RFX2: variants seen among roughly 807,000 people sequenced by gnomAD.
The protein encoded by RFX2 is DNA-binding protein RFX2.
RFX2 carries 20 observed loss-of-function variants against 87.8 expected under a neutral mutation model. The observed-to-expected ratio is 0.23, with a 90% CI of 0.16 to 0.33. The LOEUF is 0.33. RFX2 is among the 10% of genes least tolerant of loss of function. The pLI, the probability that RFX2 is intolerant of heterozygous loss-of-function variation, is 1.00. For synonymous variants in RFX2, 397 were observed against 431.3 expected (o/e 0.92, Z 0.98); for missense variants, 767 against 1,012.3 (o/e 0.76, Z 3.29).
In RFX2 at chr19:6,017,745, G is replaced by C. The variant is rs1449272238; in HGVS notation, c.598-1474C>G. 6.6e-6 allele frequency among the ~76,000 whole-genome samples: 1 copy of C among 151,984 alleles called. No individual in the cohort carries two copies. The highest frequency in any genetic ancestry group is 2.4e-5 in the African/African-American group (1 of 41,378). ...CTGGGTCCTCAGCCCTCCCCCACCGGGCATGTTGGGCTCCTGCACAGCCCT... is the reference window on the plus strand; with the variant it reads ...CTGGGTCCTCAGCCCTCCCCCACCGCGCATGTTGGGCTCCTGCACAGCCCT... On this transcript the variant is annotated intron_variant, in intron 6 of 17. Coordinates refer to ENST00000303657, the MANE Select transcript of RFX2 (RefSeq NM_000635.4). This position sits in a 1 kb window ranked among gnomAD's most constrained non-coding sequence, Gnocchi z 4.1.
chr19:6,009,440 A>C (rs2086632652), intron 9 of RFX2, among the ~76,000 whole-genome samples: 1 of 152,188 alleles, frequency 6.6e-6, no homozygotes, highest in Admixed American at 6.5e-5. Flanking sequence ...TCCCTTGAGC[A>C]GCCCCCAGGG....
At position 6,070,053 on chromosome 19, in the gene RFX2, G is replaced by GT. The variant is rs573587945; in HGVS notation, c.-8-22550_-8-22549insA. Among the ~76,000 whole-genome samples, 2 of 1,258 alleles carry GT rather than the reference G, an allele frequency of 1.6e-3. 1 individual carries two copies. 0.8% of individuals were successfully genotyped at this position (1,258 alleles called of 152,430 possible). On this transcript the variant is annotated intron_variant, in intron 1 of 17. Transcript: ENST00000303657. ...TGGATAGGATGGGATGGGATGGGAT[G>GT]GGATGGGATGGGATGGGATGTGGAT...
Position 6,010,319 on chromosome 19 carries a change from G to T in RFX2, c.900-68C>A. 1.9e-6 allele frequency: 2 copies of T among 1,053,798 alleles called. No homozygotes were observed. The highest frequency in any genetic ancestry group is 1.4e-5 in the South Asian group (1 of 74,024). 65.3% of individuals were successfully genotyped at this position (1,053,798 alleles called of 1,614,324 possible). A position where few individuals can be genotyped will look rare whatever the true frequency, so the allele number is the denominator to read the frequency against. On this transcript the variant is annotated intron_variant, in intron 8 of 17. Coordinates refer to ENST00000303657, the MANE Select transcript of RFX2 (RefSeq NM_000635.4). This position sits in a 1 kb window ranked among gnomAD's most constrained non-coding sequence, Gnocchi z 5.0. ...TGCTGCGGGTGGGCCCAAAGACTGGGGGGCTGGGCAGGATTCAGTCAGGCA... is the reference window on the plus strand; with the variant it reads ...TGCTGCGGGTGGGCCCAAAGACTGGTGGGCTGGGCAGGATTCAGTCAGGCA...
At chr19:6,095,970 T>C (rs1382028123) in intron 1 of RFX2, among the ~76,000 whole-genome samples, 1 of 152,222 alleles carries the variant, frequency 6.6e-6, no homozygotes, top group Non-Finnish European at 1.5e-5. Flanking sequence ...TCACATGTTG[T>C]CTACATCTGC....
Position 6,007,188 on chromosome 19 carries a change from G to GTGAGC in RFX2, c.1248-27_1248-23dup. 1 of 1,609,614 alleles carries GTGAGC rather than the reference G, an allele frequency of 6.2e-7. No individual in the cohort carries two copies. Among genetic ancestry groups the GTGAGC allele is most frequent in the Non-Finnish European group, 8.5e-7 (1 of 1,177,814 alleles). The stretch of plus-strand genomic sequence containing the variant: ...GTCACTGTGGAGGGAGGGGGGACAG[G>GTGAGC]TGAGCTGTGGCCTGGCCCAGGTGGG... On this transcript the variant is annotated intron_variant, in intron 11 of 17. Transcript: ENST00000303657. This position sits in a 1 kb window ranked among gnomAD's most constrained non-coding sequence, Gnocchi z 8.2.
At chr19:6,030,458 TA>T (rs1337296303) in intron 5 of RFX2, among the ~76,000 whole-genome samples, 1 of 152,122 alleles carries the variant, frequency 6.6e-6, no homozygotes, top group African/African-American at 2.4e-5. Flanking sequence ...CACAAAAAAA[TA>T]AGGTTCTGAC....
chr19:6,030,440 T>A (rs749363355), intron 5 of RFX2, among the ~76,000 whole-genome samples: 1 of 152,188 alleles, frequency 6.6e-6, no homozygotes, highest in Non-Finnish European at 1.5e-5. Flanking sequence ...TGGAATAATT[T>A]AGCCACACAC....
Position 6,016,022 on chromosome 19 carries a change from T to C in RFX2, c.779+68A>G. The C allele has an allele frequency of 6.8e-7, 1 of 1,460,354 alleles. No homozygotes were observed. The highest frequency in any genetic ancestry group is 9.2e-7 in the Non-Finnish European group (1 of 1,085,590). The allele number at this position is 1,460,354 out of a possible 1,614,324, so 90.5% of individuals were successfully genotyped here. On this transcript the variant is annotated intron_variant, in intron 7 of 17. Transcript: ENST00000303657. The surrounding 1 kb of genome is among the most constrained non-coding windows in gnomAD (Gnocchi z 5.4). ...TGGAAAGGAGGAGGAAGCCTCGCATTTTCCCAAAAGCTCCATTTCTTGGGA... is the reference window on the plus strand; with the variant it reads ...TGGAAAGGAGGAGGAAGCCTCGCATCTTCCCAAAAGCTCCATTTCTTGGGA...
chr19:6,036,924 T>C (rs1167022669), intron 5 of RFX2, among the ~76,000 whole-genome samples: 13 of 152,320 alleles, frequency 8.5e-5, no homozygotes, highest in Non-Finnish European at 2.9e-5. Context: ...AATTTCTTTT[T>C]GTCCATATTG....
rs2086805097 is a variant in RFX2, at chr19:6,021,104, T to C, written c.598-4833A>G. Among the ~76,000 whole-genome samples the C allele has an allele frequency of 6.6e-6, 1 of 152,180 alleles. No homozygotes were observed. Among genetic ancestry groups the C allele is most frequent in the South Asian group, 2.1e-4 (1 of 4,832 alleles). On this transcript the variant is annotated intron_variant, in intron 6 of 17. Coordinates refer to ENST00000303657, the MANE Select transcript of RFX2 (RefSeq NM_000635.4). The surrounding 1 kb of genome is among the most constrained non-coding windows in gnomAD (Gnocchi z 5.7). Reference sequence around the variant, plus strand: ...TGTCTCCTAAGATACTTGTTTCTATTCCTGGGGGCAAATTTGCCTGACACT... The same window carrying C: ...TGTCTCCTAAGATACTTGTTTCTATCCCTGGGGGCAAATTTGCCTGACACT...
At position 6,056,126 on chromosome 19, in the gene RFX2, T is replaced by C. The variant is rs939381944; in HGVS notation, c.-8-8622A>G. ...TAATACAGTGTGCGGTTACATGGAG[T>C]CGTGATTTGTCAAAATTAGCCAGCT... On this transcript the variant is annotated intron_variant, in intron 1 of 17. Coordinates refer to ENST00000303657, the MANE Select transcript of RFX2 (RefSeq NM_000635.4). The surrounding 1 kb of genome is among the most constrained non-coding windows in gnomAD (Gnocchi z 4.6). Among the ~76,000 whole-genome samples the C allele has an allele frequency of 6.6e-6, 1 of 151,670 alleles. No homozygotes were observed. Among genetic ancestry groups the C allele is most frequent in the Non-Finnish European group, 1.5e-5 (1 of 67,928 alleles).
In RFX2 at chr19:6,013,492, CTCT is replaced by C. The variant is rs1464923986; in HGVS notation, c.780-390_780-388del. Reference sequence around the variant, plus strand: ...TGAGCCACTGCGCCTGGCCTCTTCTCTCTTTTTTTTTTTTTTCAGAAACAGGGT... The same window carrying C: ...TGAGCCACTGCGCCTGGCCTCTTCTCTTTTTTTTTTTTTCAGAAACAGGGT... On this transcript the variant is annotated intron_variant, in intron 7 of 17. Transcript: ENST00000303657. The surrounding 1 kb of genome is among the most constrained non-coding windows in gnomAD (Gnocchi z 4.1). 5.9e-5 allele frequency among the ~76,000 whole-genome samples: 8 copies of C among 134,834 alleles called. No homozygotes were observed. Among genetic ancestry groups the C allele is most frequent in the African/African-American group, 3.0e-4 (8 of 26,250 alleles). The allele number at this position is 134,834 out of a possible 152,430, so 88.5% of individuals were successfully genotyped here.
At chr19:6,008,876 C>T (rs972339346) in intron 9 of RFX2, among the ~76,000 whole-genome samples, 1 of 151,802 alleles carries the variant, frequency 6.6e-6, no homozygotes, top group African/African-American at 2.4e-5. Flanking sequence ...GATGGGGTTT[C>T]GCCATGTTGG....
At chr19:6,080,487 G>A (rs2087765096) in intron 1 of RFX2, among the ~76,000 whole-genome samples, 1 of 152,172 alleles carries the variant, frequency 6.6e-6, no homozygotes, top group Non-Finnish European at 1.5e-5. Context: ...ACACAAGGTT[G>A]TTCAGTAGAG....
rs2086486371 is a variant in RFX2 at position 6,001,267 on chromosome 19, T to G, written c.1859+548A>C. Among the ~76,000 whole-genome samples, 1 of 152,148 alleles carries G rather than the reference T, an allele frequency of 6.6e-6. No homozygotes were observed. Among genetic ancestry groups the G allele is most frequent in the Admixed American group, 6.5e-5 (1 of 15,270 alleles). ...TGTGCCCTTCAGTTCTGAGATAGCT[T>G]TGTTCCCCCCTTAGAGATGGGGTCT... On this transcript the variant is annotated intron_variant, in intron 15 of 17. Transcript: ENST00000303657. The surrounding 1 kb of genome is among the most constrained non-coding windows in gnomAD (Gnocchi z 5.6).
rs2086831879 is a variant in RFX2 at position 6,022,640 on chromosome 19, C to G, written c.597+3523G>C. On this transcript the variant is annotated intron_variant, in intron 6 of 17. Coordinates refer to ENST00000303657, the MANE Select transcript of RFX2 (RefSeq NM_000635.4). The surrounding 1 kb of genome is among the most constrained non-coding windows in gnomAD (Gnocchi z 6.2). The stretch of plus-strand genomic sequence containing the variant: ...TCATCCCCAGCCCCGGCTCCGTCCC[C>G]TTCCCTCTGGAAGAGCTAATCCCCA... Among the ~76,000 whole-genome samples, 1 of 152,248 alleles carries G rather than the reference C, an allele frequency of 6.6e-6. No individual in the cohort carries two copies. The highest frequency in any genetic ancestry group is 2.4e-5 in the African/African-American group (1 of 41,472).
intron 1 of RFX2, among the ~76,000 whole-genome samples, chr19:6,102,583 C>T (rs2088144210): frequency 6.6e-6 from 1 of 152,236 alleles, no homozygotes; most frequent in Non-Finnish European, 1.5e-5. Flanking sequence ...TTGCCCCTGC[C>T]TCTTCTGCCT....
At chr19:6,068,845 G>A (rs1271768357) in intron 1 of RFX2, among the ~76,000 whole-genome samples, 1 of 152,138 alleles carries the variant, frequency 6.6e-6, no homozygotes, top group Admixed American at 6.5e-5. Flanking sequence ...CTGGCTGCTG[G>A]GTTGAGAATA....
chr19:6,075,272 T>TGGAGGAGGAGGA (rs763598849), intron 1 of RFX2, among the ~76,000 whole-genome samples: 1,880 of 149,280 alleles, frequency 0.013, 38 homozygotes, highest in African/African-American at 0.043. Context: ...GAGGAGAAGG[T>TGGAGGAGGAGGA]GGAGGAGGAG....
Sources: gnomAD v4.1 joint callset for allele counts (sites outside exome capture counted in the v4.1 genomes callset) on GRCh38, gnomAD v4.1.1 for gene constraint, Gnocchi (gnomAD v3.1) non-coding constraint, MANE v1.5 for transcripts, NCBI Gene and HGNC (gene_info 2026-07-23, HGNC 2026-07-21) for gene names.